ADGRG6: variants seen among roughly 807,000 people sequenced by gnomAD.
The protein encoded by ADGRG6 is G-protein coupled receptor 126.
In ADGRG6, 84 loss-of-function variants were observed where a neutral mutation model predicts 142.4. The ratio of observed to expected loss-of-function variants is 0.59; its 90% CI spans 0.49 to 0.71. The LOEUF (loss-of-function observed/expected upper bound fraction) is 0.71. Ranked by LOEUF, ADGRG6 falls within the 30% of genes least tolerant of loss-of-function variation. The pLI is 0.00. For missense variants in ADGRG6, 1,367 were observed against 1,466.6 expected (o/e 0.93, Z 1.11); for synonymous variants, 521 against 520.5 (o/e 1.00, Z -0.01).
intron 18 of ADGRG6, among the ~76,000 whole-genome samples, chr6:142,413,698 C>T (rs1464332305): frequency 6.6e-6 from 1 of 152,130 alleles, no homozygotes; most frequent in African/African-American, 2.4e-5. Context: ...ACTCAAACCC[C>T]ATCCCATGTA....
intron 22 of ADGRG6, 30 bp from the exon 23 acceptor site, chr6:142,437,404 C>A: frequency 9.7e-7 from 1 of 1,029,786 alleles, no homozygotes; most frequent in South Asian, 1.4e-5. Flanking sequence ...TGTCAGTTGG[C>A]TTAAATATTT....
At chr6:142,353,115 T>C (rs960225361) in intron 2 of ADGRG6, among the ~76,000 whole-genome samples, 3 of 152,198 alleles carry the variant, frequency 2.0e-5, no homozygotes, top group African/African-American at 7.2e-5. Context: ...TGTTTTTTCT[T>C]TTCCCTCTAC....
intron 2 of ADGRG6, among the ~76,000 whole-genome samples, chr6:142,338,704 A>C (rs1779468750): frequency 6.6e-6 from 1 of 152,106 alleles, no homozygotes; most frequent in African/African-American, 2.4e-5. Context: ...TGTAGTTAAC[A>C]TCATTTGATT....
At chr6:142,348,632 T>A (rs1190000539) in intron 2 of ADGRG6, among the ~76,000 whole-genome samples, 1 of 151,788 alleles carries the variant, frequency 6.6e-6, no homozygotes, top group African/African-American at 2.4e-5. Flanking sequence ...GGGGTGGTTT[T>A]TTTTTTTTAG....
chr6:142,402,850 TG>T lies in ADGRG6; in HGVS notation c.1955+22del. 7.5e-7 allele frequency: 1 copy of T among 1,333,804 alleles called. No individual in the cohort carries two copies. The highest frequency in any genetic ancestry group is 1.0e-6 in the Non-Finnish European group (1 of 957,030). The allele number at this position is 1,333,804 out of a possible 1,614,324, so 82.6% of individuals were successfully genotyped here. A position where few individuals can be genotyped will look rare whatever the true frequency, so the allele number is the denominator to read the frequency against. On this transcript the variant is annotated intron_variant, in intron 13 of 24. Coordinates refer to ENST00000367609, the MANE Select transcript of ADGRG6 (RefSeq NM_198569.3). ...TTCTGAGTAAGTATTTTTTTTTTCC[TG>T]GAGAGTAAATTTTATTGGATAATGA...
rs776163478 is a variant in ADGRG6 at position 142,367,551 on chromosome 6, C to T, written c.104-18C>T. The T allele has an allele frequency of 2.5e-6, 4 of 1,603,692 alleles. No individual in the cohort carries two copies. The South Asian group carries it at 3.3e-5, about 13-fold the overall frequency. Reference sequence around the variant, plus strand: ...GAACCCAGCCCTTCTCTCTGTCTCTCTTTTGTCTGGCCAGCAGTGTGGGGA... The same window carrying T: ...GAACCCAGCCCTTCTCTCTGTCTCTTTTTTGTCTGGCCAGCAGTGTGGGGA... On this transcript the variant is annotated intron_variant, in intron 2 of 24. Transcript: ENST00000367609.
intron 2 of ADGRG6, among the ~76,000 whole-genome samples, chr6:142,336,248 C>T (rs981210365): frequency 1.3e-5 from 2 of 152,132 alleles, no homozygotes; most frequent in Non-Finnish European, 2.9e-5. Flanking sequence ...TGCTATTTTT[C>T]TTCCTTAGGG....
chr6:142,317,082 T>C (rs1778113614), intron 2 of ADGRG6, among the ~76,000 whole-genome samples: 1 of 152,132 alleles, frequency 6.6e-6, no homozygotes, highest in South Asian at 2.1e-4. Flanking sequence ...ATAGGGTTTG[T>C]GGTTTTTCTC....
At chr6:142,404,770 G>A (rs970056036) in intron 14 of ADGRG6, among the ~76,000 whole-genome samples, 3 of 152,270 alleles carry the variant, frequency 2.0e-5, no homozygotes, top group South Asian at 4.1e-4. Flanking sequence ...TGCACTTTTA[G>A]CAAGTTCCTT....
In ADGRG6 at chr6:142,370,305, A is replaced by G. The variant is rs925557550; in HGVS notation, c.581A>G (p.His194Arg). The G allele has an allele frequency of 6.2e-7, 1 of 1,613,916 alleles. No individual in the cohort carries two copies. The highest frequency in any genetic ancestry group is 8.5e-7 in the Non-Finnish European group (1 of 1,179,834). The part of the protein sequence containing the change: ...TLCFEATKVG[H>R]EDSDWTAFSY... The stretch of plus-strand genomic sequence containing the variant: ...TGCTTTGAAGCAACCAAAGTTGGCC[A>G]TGAAGACAGTGATTGGACAGCTTTC... Residue 194 changes from histidine to arginine, a missense_variant, in exon 4 of 25, where the codon CAT (histidine) becomes CGT (arginine). Transcript: ENST00000367609.
At chr6:142,427,618 C>G (rs1777011783) in intron 22 of ADGRG6, among the ~76,000 whole-genome samples, 1 of 152,158 alleles carries the variant, frequency 6.6e-6, no homozygotes, top group African/African-American at 2.4e-5. Context: ...CACCATACTT[C>G]TGGTACCAAT....
intron 4 of ADGRG6, among the ~76,000 whole-genome samples, chr6:142,379,438 T>G (rs1781650927): frequency 6.6e-6 from 1 of 152,226 alleles, no homozygotes; most frequent in South Asian, 2.1e-4. Flanking sequence ...TATAGTTTAC[T>G]TGCCTACCTC....
intron 22 of ADGRG6, among the ~76,000 whole-genome samples, chr6:142,435,105 A>G (rs1004356205): frequency 3.3e-5 from 5 of 152,150 alleles, no homozygotes; most frequent in Non-Finnish European, 7.3e-5. Context: ...CAAAAGGAAC[A>G]TATAAGTTTT....
At chr6:142,329,276 GGA>G (rs1257558571) in intron 2 of ADGRG6, among the ~76,000 whole-genome samples, 17 of 152,058 alleles carry the variant, frequency 1.1e-4, no homozygotes, top group Non-Finnish European at 2.4e-4. Flanking sequence ...AACCAATTTG[GGA>G]GAGTTTCTGG....
chr6:142,302,249 G>A lies in ADGRG6; in HGVS notation c.-81G>A. 1.3e-6 allele frequency: 2 copies of A among 1,558,520 alleles called. No homozygotes were observed. Among genetic ancestry groups the A allele is most frequent in the Non-Finnish European group, 1.8e-6 (2 of 1,141,142 alleles). On this transcript the variant is annotated 5_prime_UTR_variant, in exon 1 of 25. Transcript: ENST00000367609. Reference sequence around the variant, plus strand: ...GGCTGGGGCGCCTGGGTTCCCCCTGGGTGGAGCAGCGGCAGCAGAGCGGGA... The same window carrying A: ...GGCTGGGGCGCCTGGGTTCCCCCTGAGTGGAGCAGCGGCAGCAGAGCGGGA...
At chr6:142,414,398 G>A (rs1423754319) in intron 18 of ADGRG6, among the ~76,000 whole-genome samples, 1 of 152,148 alleles carries the variant, frequency 6.6e-6, no homozygotes, top group Admixed American at 6.6e-5. Context: ...TGGCATCTCA[G>A]TTATGAAAAT....
At chr6:142,371,780 C>T (rs759184528) in intron 4 of ADGRG6, among the ~76,000 whole-genome samples, 1 of 152,046 alleles carries the variant, frequency 6.6e-6, no homozygotes, top group Non-Finnish European at 1.5e-5. Flanking sequence ...CCACCGTGCC[C>T]GGCCCAGTTA....
At chr6:142,351,310 C>T (rs1190026038) in intron 2 of ADGRG6, among the ~76,000 whole-genome samples, 2 of 152,106 alleles carry the variant, frequency 1.3e-5, no homozygotes, top group East Asian at 1.9e-4. Flanking sequence ...AACTATACTA[C>T]AAGGCTACAG....
At chr6:142,325,073 C>CG (rs912423080) in intron 2 of ADGRG6, among the ~76,000 whole-genome samples, 20 of 152,088 alleles carry the variant, frequency 1.3e-4, no homozygotes, top group African/African-American at 4.8e-4. Context: ...TACAAATCCT[C>CG]GTAGCTCATT....
Sources: gnomAD v4.1 joint callset for allele counts (sites outside exome capture counted in the v4.1 genomes callset) on GRCh38, gnomAD v4.1.1 for gene constraint, MANE v1.5 for transcripts, NCBI Gene and HGNC (gene_info 2026-07-23, HGNC 2026-07-21) for gene names.